The following TOM1L2 variants were observed in gnomAD, a reference collection of about 807,000 sequenced individuals.
TOM1L2 encodes the protein TOM1-like protein 2.
TOM1L2 carries 31 observed loss-of-function variants against 67.9 expected under a neutral mutation model. That is an observed-to-expected ratio of 0.46 (90% confidence interval 0.34 to 0.62). The LOEUF (loss-of-function observed/expected upper bound fraction) is 0.62. Ranked by LOEUF, TOM1L2 falls within the 20% of genes least tolerant of loss-of-function variation. The pLI is 0.01. For synonymous variants in TOM1L2, 256 were observed against 254.0 expected, an observed-to-expected ratio of 1.01 and a Z score of -0.07; for missense variants, 606 against 663.5, an observed-to-expected ratio of 0.91 and a Z score of 0.95.
At chr17:17,963,357 C>T (rs1412764055) in intron 1 of TOM1L2, among the ~76,000 whole-genome samples, 1 of 152,196 alleles carries the variant, frequency 6.6e-6, no homozygotes, top group Non-Finnish European at 1.5e-5. Context: ...TATTTGAAAT[C>T]AGTTTAGGCT....
At chr17:17,923,235 C>A (rs114092384) in intron 1 of TOM1L2, among the ~76,000 whole-genome samples, 2,022 of 152,244 alleles carry the variant, frequency 0.013, 22 homozygotes, top group African/African-American at 0.041. Flanking sequence ...CTGGTCTCTA[C>A]TAAACATACA....
chr17:17,879,563 C>A, intron 7 of TOM1L2, 64 bp downstream of exon 7: 1 of 1,349,380 alleles, frequency 7.4e-7, no homozygotes, highest in Non-Finnish European at 1.1e-6. Context: ...CGGGTGGGAT[C>A]CTCCAACAGT....
intron 7 of TOM1L2, among the ~76,000 whole-genome samples, chr17:17,876,711 C>G (rs2037441270): frequency 1.3e-5 from 2 of 152,218 alleles, no homozygotes; most frequent in African/African-American, 2.4e-5. Flanking sequence ...TGGTGACTTA[C>G]CTGGCATCGC....
intron 1 of TOM1L2, among the ~76,000 whole-genome samples, chr17:17,943,613 GCCT>G (rs1568342016): frequency 6.6e-6 from 1 of 152,178 alleles, no homozygotes; most frequent in African/African-American, 2.4e-5. Context: ...TGCTGCTGCA[GCCT>G]CCTCATTGTT....
intron 2 of TOM1L2, among the ~76,000 whole-genome samples, chr17:17,903,551 T>C (rs2038950456): frequency 6.7e-6 from 1 of 148,690 alleles, no homozygotes; most frequent in South Asian, 2.1e-4. Flanking sequence ...AGGCGGAGCT[T>C]GCAGTGAGCC....
chr17:17,944,698 TA>T (rs953266949), intron 1 of TOM1L2, among the ~76,000 whole-genome samples: 6 of 152,204 alleles, frequency 3.9e-5, no homozygotes, highest in African/African-American at 1.4e-4. Flanking sequence ...CAACGTCTCC[TA>T]CAAGGAGAGG....
At position 17,847,272 on chromosome 17, in the gene TOM1L2, C is replaced by A. The variant is rs1462659347; in HGVS notation, c.*363G>T. The A allele has an allele frequency of 2.1e-5, 6 of 284,854 alleles. No homozygotes were observed. Among genetic ancestry groups the A allele is most frequent in the Non-Finnish European group, 4.0e-5 (6 of 149,726 alleles). 17.6% of individuals were successfully genotyped at this position (284,854 alleles called of 1,614,324 possible). ...GAGCCAGGCAGAGGTGAGCACAGGG[C>A]GGGGCCGGGCGTGCTCTTTCTCCAT... On this transcript the variant is annotated 3_prime_UTR_variant, in exon 15 of 15. Coordinates refer to ENST00000379504, the MANE Select transcript of TOM1L2 (RefSeq NM_001082968.2).
At chr17:17,902,978 C>A (rs561599370) in intron 2 of TOM1L2, among the ~76,000 whole-genome samples, 115 of 152,192 alleles carry the variant, frequency 7.6e-4, no homozygotes, top group African/African-American at 2.7e-3. Flanking sequence ...CGAGTGGTGA[C>A]CTAGAATTGC....
chr17:17,942,554 C>T lies in TOM1L2; in HGVS notation c.52+29708G>A, dbSNP rs190062714. Among the ~76,000 whole-genome samples, 4 of 152,160 alleles carry T rather than the reference C, an allele frequency of 2.6e-5. No homozygotes were observed. The East Asian group carries it at 7.7e-4, about 29-fold the overall frequency. On this transcript the variant is annotated intron_variant, in intron 1 of 14. Transcript: ENST00000379504. ...CTTATTATGGGCCGATATGTATGGG[C>T]CGATATGTACACCTTCCCTTTTAAA...
chr17:17,870,026 C>T (rs1158882076), intron 7 of TOM1L2: 3 of 152,370 alleles, frequency 2.0e-5, no homozygotes. Context: ...AGGGTATGGT[C>T]ATTTATAACA....
At chr17:17,893,872 T>C (rs1295547113) in intron 3 of TOM1L2, 62 bp from the exon 4 acceptor site, 2 of 1,543,758 alleles carry the variant, frequency 1.3e-6, no homozygotes, top group Non-Finnish European at 1.8e-6. Flanking sequence ...CACTGGGAAC[T>C]GAGGAGCGCA....
chr17:17,959,347 A>G (rs1346348207), intron 1 of TOM1L2, among the ~76,000 whole-genome samples: 2 of 152,220 alleles, frequency 1.3e-5, no homozygotes, highest in Non-Finnish European at 2.9e-5. Context: ...TGATATCAGA[A>G]AAAAGACAAA....
At position 17,847,750 on chromosome 17, in the gene TOM1L2, G is replaced by T; in HGVS notation, c.1409C>A (p.Ala470Asp). 1.2e-6 allele frequency: 2 copies of T among 1,614,110 alleles called. No homozygotes were observed. Reference sequence around the variant, plus strand: ...GGGGAGGTCGGGAACCATTTCAGCAGCTTTGGCTCTTTCTTCAAGGAATTT... The same window carrying T: ...GGGGAGGTCGGGAACCATTTCAGCATCTTTGGCTCTTTCTTCAAGGAATTT... Reference protein sequence around the residue: ...FDKFLEERAKAAEMVPDLPSP... With the variant: ...FDKFLEERAKDAEMVPDLPSP... The change falls in exon 15 of 15, where the codon GCT becomes GAT. Residue 470 changes from alanine (A) to aspartate (D), a missense_variant. By Grantham distance (126) the Ala-to-Asp change is moderately radical (BLOSUM62 -2). Around this residue, in one of 2 missense-constraint regions of TOM1L2, gnomAD observed 543 missense variants for 554.0 expected, o/e 0.98. Transcript: ENST00000379504.
intron 1 of TOM1L2, among the ~76,000 whole-genome samples, chr17:17,927,050 G>A (rs1031404295): frequency 6.6e-6 from 1 of 152,190 alleles, no homozygotes; most frequent in Admixed American, 6.5e-5. Flanking sequence ...TGAATAATAC[G>A]AAACAAAGCT....
intron 1 of TOM1L2, among the ~76,000 whole-genome samples, chr17:17,969,604 T>A (rs1303249248): frequency 1.3e-5 from 2 of 152,188 alleles, no homozygotes; most frequent in African/African-American, 2.4e-5. Flanking sequence ...TGGGGAGCCA[T>A]CATCATCTTT....
intron 1 of TOM1L2, among the ~76,000 whole-genome samples, chr17:17,924,140 C>T (rs563143963): frequency 1.0e-4 from 15 of 147,380 alleles, no homozygotes; most frequent in African/African-American, 4.0e-4. Flanking sequence ...CTGTCTCAAA[C>T]AAAAACAAAA....
intron 1 of TOM1L2, among the ~76,000 whole-genome samples, chr17:17,917,448 GTCT>G (rs1347823319): frequency 2.2e-4 from 21 of 96,852 alleles, no homozygotes; most frequent in Admixed American, 3.7e-4. Context: ...AATACCATTG[GTCT>G]TTTTTTTTTT....
intron 1 of TOM1L2, among the ~76,000 whole-genome samples, chr17:17,938,800 CT>C (rs1203263837): frequency 6.8e-6 from 1 of 146,900 alleles, no homozygotes; most frequent in Non-Finnish European, 1.5e-5. Flanking sequence ...GTAAAGAGGT[CT>C]TGCTAAAGTG....
At chr17:17,907,604 A>G in intron 1 of TOM1L2, 73 bp from the exon 2 acceptor site, 2 of 1,284,648 alleles carry the variant, frequency 1.6e-6, no homozygotes, top group Non-Finnish European at 2.2e-6. Flanking sequence ...ATGGGAAGAG[A>G]CCAGAACCAC....
Sources: allele counts gnomAD v4.1 joint callset (sites outside exome capture counted in the v4.1 genomes callset), GRCh38; gene constraint gnomAD v4.1.1; regional missense constraint gnomAD v4.1.1; transcripts MANE v1.5; gene names NCBI Gene and HGNC (gene_info 2026-07-23, HGNC 2026-07-21).